Variants in NCKAP5 observed in about 807,000 individuals in gnomAD.
NCKAP5 encodes the protein nck-associated protein 5.
NCKAP5 carries 92 observed loss-of-function variants against 167.0 expected under a neutral mutation model. That is an observed-to-expected ratio of 0.55 (90% CI 0.47 to 0.66). The LOEUF is 0.66. NCKAP5 is among the 30% of genes least tolerant of loss of function. The pLI is 0.00. For synonymous variants in NCKAP5, 891 were observed against 877.4 expected (o/e 1.02, Z -0.27); for missense variants, 2,378 against 2,315.0 (o/e 1.03, Z -0.56).
chr2:133,331,499 G>A (rs1046042652), intron 3 of NCKAP5, among the ~76,000 whole-genome samples: 36 of 152,188 alleles, frequency 2.4e-4, no homozygotes, highest in Middle Eastern at 3.4e-3. Flanking sequence ...TCCCTCTCCC[G>A]TTGTTCCCGT....
chr2:133,276,262 G>T (rs945349803), intron 4 of NCKAP5, among the ~76,000 whole-genome samples: 20 of 151,920 alleles, frequency 1.3e-4, no homozygotes, highest in Admixed American at 9.8e-4. Context: ...TATCAGTAAG[G>T]CTTCCAGTCA....
the NCKAP5 span, among the ~76,000 whole-genome samples, chr2:133,612,277 A>G: frequency 6.6e-6 from 1 of 152,208 alleles, no homozygotes; most frequent in African/African-American, 2.4e-5. Flanking sequence ...AAAAAGACAT[A>G]GGCATTGAGA....
chr2:133,504,996 G>A (rs1047759395), intron 3 of NCKAP5, among the ~76,000 whole-genome samples: 4 of 152,142 alleles, frequency 2.6e-5, no homozygotes, highest in African/African-American at 7.2e-5. Flanking sequence ...GGGTTCCTCA[G>A]GCCAGTCATC....
At chr2:133,468,520 A>G (rs1176055483) in intron 3 of NCKAP5, among the ~76,000 whole-genome samples, 3 of 151,976 alleles carry the variant, frequency 2.0e-5, no homozygotes, top group Non-Finnish European at 4.4e-5. Context: ...GTAGATGTCT[A>G]TTAGGTCCGC....
intron 3 of NCKAP5, among the ~76,000 whole-genome samples, chr2:133,367,418 T>C (rs538429381): frequency 7.9e-5 from 12 of 152,314 alleles, no homozygotes; most frequent in South Asian, 6.2e-4. Context: ...TATTTGAATA[T>C]GCTTTCTAAA....
At position 133,412,170 on chromosome 2, in the gene NCKAP5, G is replaced by A. The variant is rs115132213; in HGVS notation, c.69+105288C>T. On this transcript the variant is annotated intron_variant, in intron 3 of 19. Transcript: ENST00000409261. Reference sequence around the variant, plus strand: ...GGGGCCTTTGGGAGGTGATTAGCTCGCGAGGATAGAGCCCTCATGAATGGG... The same window carrying A: ...GGGGCCTTTGGGAGGTGATTAGCTCACGAGGATAGAGCCCTCATGAATGGG... 3.7e-3 allele frequency among the ~76,000 whole-genome samples: 563 copies of A among 152,220 alleles called. 2 individuals are homozygous for A. Among genetic ancestry groups the A allele is most frequent in the Non-Finnish European group, 6.1e-3 (413 of 68,014 alleles).
At chr2:132,987,597 G>GA (rs969372967) in intron 7 of NCKAP5, among the ~76,000 whole-genome samples, 21 of 151,768 alleles carry the variant, frequency 1.4e-4, no homozygotes, top group African/African-American at 3.6e-4. Context: ...ATCAATGACT[G>GA]AAAAAAAAGA....
chr2:133,054,905 A>G (rs1331822949), intron 6 of NCKAP5, among the ~76,000 whole-genome samples: 1 of 152,186 alleles, frequency 6.6e-6, no homozygotes, highest in Non-Finnish European at 1.5e-5. Flanking sequence ...ATCAAACAAA[A>G]TGAAAACCCT....
At chr2:133,557,637 A>G (rs554371935) in intron 2 of NCKAP5, among the ~76,000 whole-genome samples, 44 of 152,362 alleles carry the variant, frequency 2.9e-4, no homozygotes, top group Non-Finnish European at 5.1e-4. Context: ...TCATGCAGAA[A>G]CTATTTAATC....
chr2:133,371,646 T>A (rs985046608), intron 3 of NCKAP5, among the ~76,000 whole-genome samples: 1 of 152,230 alleles, frequency 6.6e-6, no homozygotes, highest in African/African-American at 2.4e-5. Flanking sequence ...CAATCTGCTA[T>A]GTAAAGTTTG....
chr2:133,522,530 G>A (rs1684556955), intron 2 of NCKAP5, among the ~76,000 whole-genome samples: 1 of 152,172 alleles, frequency 6.6e-6, no homozygotes, highest in Non-Finnish European at 1.5e-5. Flanking sequence ...AGGACAGAGA[G>A]AGCATTTTAT....
chr2:133,267,915 A>C (rs1236040262), intron 4 of NCKAP5, among the ~76,000 whole-genome samples: 1 of 152,218 alleles, frequency 6.6e-6, no homozygotes. Context: ...CAGTAGTCCT[A>C]GAGACATACA....
intron 2 of NCKAP5, among the ~76,000 whole-genome samples, chr2:133,544,079 G>T (rs1183969227): frequency 6.6e-6 from 1 of 152,182 alleles, no homozygotes; most frequent in Non-Finnish European, 1.5e-5. Flanking sequence ...CTGATGATTT[G>T]TATCTTAACA....
intron 8 of NCKAP5, among the ~76,000 whole-genome samples, chr2:132,893,988 C>T (rs1035494523): frequency 4.6e-5 from 7 of 152,260 alleles, no homozygotes; most frequent in East Asian, 1.9e-4. Context: ...CCGGGCATCC[C>T]GCTGCCACTG....
intron 3 of NCKAP5, among the ~76,000 whole-genome samples, chr2:133,428,796 A>T (rs537446959): frequency 4.6e-5 from 7 of 152,254 alleles, no homozygotes; most frequent in Admixed American, 3.3e-4. Flanking sequence ...AATATAGGCT[A>T]CTATAGTCAG....
chr2:132,933,427 T>C (rs4953864), intron 8 of NCKAP5, among the ~76,000 whole-genome samples: 10,224 of 152,196 alleles, frequency 0.067, 840 homozygotes, highest in Admixed American at 0.24. Context: ...GAATGGGAAA[T>C]GGAATTAAAT....
At chr2:132,908,721 T>C (rs1694198781) in intron 8 of NCKAP5, among the ~76,000 whole-genome samples, 1 of 152,244 alleles carries the variant, frequency 6.6e-6, no homozygotes, top group South Asian at 2.1e-4. Context: ...TCTGGAATTC[T>C]GACTGTGACA....
chr2:132,769,250 G>C (rs1372721279), intron 16 of NCKAP5, among the ~76,000 whole-genome samples: 1 of 152,100 alleles, frequency 6.6e-6, no homozygotes, highest in Non-Finnish European at 1.5e-5. Context: ...GCCGGGCCAA[G>C]TTAACAATGT....
chr2:133,517,583 G>A lies in NCKAP5; in HGVS notation c.-57C>T, dbSNP rs548228438. On this transcript the variant is annotated 5_prime_UTR_variant, in exon 3 of 20. Coordinates refer to ENST00000409261, the MANE Select transcript of NCKAP5 (RefSeq NM_207363.3). ...ATAAGAATCCCCCGTCTGTTTCCAG[G>A]GTCACTGAAAAGAGTGAACATGTGT... 1.7e-6 allele frequency: 2 copies of A among 1,208,664 alleles called. No individual in the cohort carries two copies. The highest frequency in any genetic ancestry group is 5.2e-5 in the Admixed American group (2 of 38,488). The allele number at this position is 1,208,664 out of a possible 1,614,324, so 74.9% of individuals were successfully genotyped here.
Sources: gnomAD v4.1 joint callset for allele counts (sites outside exome capture counted in the v4.1 genomes callset) on GRCh38, gnomAD v4.1.1 for gene constraint, MANE v1.5 for transcripts, NCBI Gene and HGNC (gene_info 2026-07-23, HGNC 2026-07-21) for gene names.